Variants in DENND2D observed in about 807,000 individuals in gnomAD.
The protein encoded by DENND2D is DENN domain-containing protein 2D.
DENND2D carries 37 observed loss-of-function variants against 59.8 expected under a neutral mutation model. The ratio of observed to expected loss-of-function variants is 0.62; its 90% confidence interval spans 0.48 to 0.81. DENND2D has a LOEUF of 0.81. Ranked by LOEUF, DENND2D falls within the 40% of genes least tolerant of loss-of-function variation. The probability of loss-of-function intolerance (pLI) is 0.00; values close to 1 mark genes in which losing one functional copy is unlikely to be tolerated. For missense variants in DENND2D, 525 were observed against 579.7 expected (o/e 0.91, Z 0.97); for synonymous variants, 219 against 211.3 (o/e 1.04, Z -0.31).
At chr1:111,198,117 A>C in intron 3 of DENND2D, 128 bp from the exon 4 acceptor site, 4 of 829,314 alleles carry the variant, frequency 4.8e-6, no homozygotes, top group Admixed American at 2.2e-5. Flanking sequence ...GTAAGGGCTC[A>C]CTGGTGTCAG....
chr1:111,202,764 C>T (rs1352389281), upstream of DENND2D, among the ~76,000 whole-genome samples: 4 of 151,764 alleles, frequency 2.6e-5, no homozygotes, highest in African/African-American at 9.7e-5. Flanking sequence ...GCCAGAAAGG[C>T]AAAGGAGGAA....
intron 1 of DENND2D, 40 bp downstream of exon 1, chr1:111,200,353 G>A (rs1231107987): frequency 1.9e-6 from 3 of 1,599,160 alleles, no homozygotes; most frequent in Non-Finnish European, 2.6e-6. Context: ...GCCTAAGAGG[G>A]TCACCCTAAA....
chr1:111,192,558 C>T (rs760824291), intron 7 of DENND2D, among the ~76,000 whole-genome samples: 1 of 152,118 alleles, frequency 6.6e-6, no homozygotes, highest in African/African-American at 2.4e-5. Flanking sequence ...CTTCTTTTCC[C>T]AGTTAGTCTT....
intron 5 of DENND2D, 27 bp downstream of exon 5, chr1:111,197,149 G>GCAGAACAAA: frequency 1.2e-6 from 2 of 1,604,694 alleles, no homozygotes; most frequent in Non-Finnish European, 8.5e-7. Flanking sequence ...TGGAATATGG[G>GCAGAACAAA]CAGGCCCTGA....
intron 7 of DENND2D, among the ~76,000 whole-genome samples, chr1:111,192,559 A>G (rs11102218): frequency 0.45 from 67,888 of 151,952 alleles, 15,537 homozygotes; most frequent in East Asian, 0.58. Context: ...TTCTTTTCCC[A>G]GTTAGTCTTC....
chr1:111,201,727 T>C (rs1416213073), upstream of DENND2D, among the ~76,000 whole-genome samples: 2 of 152,180 alleles, frequency 1.3e-5, no homozygotes, highest in African/African-American at 2.4e-5. Context: ...AGCACCCCTC[T>C]GGAAGAGAGT....
Position 111,200,641 on chromosome 1 carries a change from G to A in DENND2D, c.-182C>T, listed in dbSNP as rs535833422. 1.7e-5 allele frequency: 24 copies of A among 1,386,062 alleles called. No homozygotes were observed. In the East Asian group the frequency reaches 6.6e-4, roughly 38 times the overall value. 85.9% of individuals were successfully genotyped at this position (1,386,062 alleles called of 1,614,324 possible). A position where few individuals can be genotyped will look rare whatever the true frequency, so the allele number is the denominator to read the frequency against. Reference sequence around the variant, plus strand: ...TGTGCACCCAGTGGTTGAGCAAGAAGGATGTGACGGGACCCAGGAAGGCAG... The same window carrying A: ...TGTGCACCCAGTGGTTGAGCAAGAAAGATGTGACGGGACCCAGGAAGGCAG... On this transcript the variant is annotated 5_prime_UTR_variant, in exon 1 of 12. Transcript: ENST00000357640.
At chr1:111,204,162 TC>T (rs1389420410), upstream of DENND2D, 2 of 717,652 alleles carry the variant, frequency 2.8e-6, no homozygotes, top group Non-Finnish European at 3.5e-6. Flanking sequence ...CCGCGCAGCC[TC>T]CTGAGTCCCC....
intron 6 of DENND2D, 28 bp from the exon 7 acceptor site, chr1:111,194,754 T>C: frequency 6.2e-7 from 1 of 1,612,362 alleles, no homozygotes. Flanking sequence ...AGAGAGAAGG[T>C]GTCACTATAC....
intron 8 of DENND2D, among the ~76,000 whole-genome samples, chr1:111,189,615 C>T (rs545704100): frequency 6.6e-6 from 1 of 152,316 alleles, no homozygotes; most frequent in East Asian, 1.9e-4. Context: ...GTGCTTTACA[C>T]GTTTGATCTC....
chr1:111,195,652 A>C (rs1189722754), intron 6 of DENND2D: 2 of 401,228 alleles, frequency 5.0e-6, no homozygotes, highest in East Asian at 1.2e-4. Context: ...TTATAGCACC[A>C]GAAGCCTCAA....
intron 5 of DENND2D, 165 bp from the exon 6 acceptor site, chr1:111,196,221 G>A (rs1658214232): frequency 2.6e-6 from 2 of 767,840 alleles, no homozygotes; most frequent in Admixed American, 3.4e-5. Context: ...CTCCCTGGCA[G>A]AGGCTGGGCT....
At chr1:111,202,531 T>G (rs986917818), upstream of DENND2D, 7 of 152,156 alleles carry the variant, frequency 4.6e-5, no homozygotes, top group Non-Finnish European at 7.4e-5. Context: ...CACTTGTTCC[T>G]CCACCAGAAA....
At chr1:111,200,110 CG>C in intron 1 of DENND2D, 1 of 559,334 alleles carries the variant, frequency 1.8e-6, no homozygotes, top group Non-Finnish European at 3.2e-6. Context: ...CCTAACCTGT[CG>C]GGTGCTTCTG....
rs1181598729 is a variant in DENND2D, at chr1:111,199,752, C to T, written c.114G>A (p.Arg38=). Residue 38 remains arginine (R), a synonymous_variant, in exon 2 of 12, where the codon AGG becomes AGA. Coordinates refer to ENST00000357640, the MANE Select transcript of DENND2D (RefSeq NM_024901.5). ...NSGEALKEPE[R]AQEHSLPNFA... is the part of the protein sequence containing the mutation. Reference sequence around the variant, plus strand: ...AGTTGGGCAAAGAGTGCTCCTGGGCCCTTTCTGGTTCCTTTAAAGCTTCCC... The same window carrying T: ...AGTTGGGCAAAGAGTGCTCCTGGGCTCTTTCTGGTTCCTTTAAAGCTTCCC... The T allele has an allele frequency of 6.2e-7, 1 of 1,614,066 alleles. No homozygotes were observed. Among genetic ancestry groups the T allele is most frequent in the South Asian group, 1.1e-5 (1 of 91,070 alleles).
rs533745407 is a variant in DENND2D at position 111,190,163 on chromosome 1, C to CAAAA, written c.973-914_973-911dup. Among the ~76,000 whole-genome samples the CAAAA allele has an allele frequency of 6.1e-4, 52 of 85,216 alleles. 1 individual carries two copies. The highest frequency in any genetic ancestry group is 1.3e-3 in the Admixed American group (9 of 7,138). The allele number at this position is 85,216 out of a possible 152,430, so 55.9% of individuals were successfully genotyped here. ...TGGGCGACACAGCGAGACTCTGTCT[C>CAAAA]AAAAAAAAAAAAAAAAAAAACTACC... On this transcript the variant is annotated intron_variant, in intron 8 of 11. Coordinates refer to ENST00000357640, the MANE Select transcript of DENND2D (RefSeq NM_024901.5).
chr1:111,197,476 C>A (rs1429380763), intron 4 of DENND2D: 14 of 1,415,834 alleles, frequency 9.9e-6, no homozygotes, highest in Non-Finnish European at 1.3e-5. Context: ...CCAGCACAAT[C>A]TGGGGTCAGC....
chr1:111,189,114 A>G, intron 9 of DENND2D, 98 bp downstream of exon 9: 7 of 1,413,520 alleles, frequency 5.0e-6, no homozygotes, highest in Non-Finnish European at 6.9e-6. Context: ...TCACTCAACA[A>G]AGAACTTAAA....
At chr1:111,204,390 C>G, upstream of DENND2D, 1 of 1,359,800 alleles carries the variant, frequency 7.4e-7, no homozygotes. Flanking sequence ...CCCAGCTCCG[C>G]GCTGGCCCCG....
Sources: allele counts gnomAD v4.1 joint callset (sites outside exome capture counted in the v4.1 genomes callset), GRCh38; gene constraint gnomAD v4.1.1; transcripts MANE v1.5; gene names NCBI Gene and HGNC (gene_info 2026-07-23, HGNC 2026-07-21).